Variants in NR6A1 observed in about 807,000 individuals in gnomAD.
NR6A1 encodes retinoic acid receptor-related testis-associated receptor.
NR6A1 carries 7 observed loss-of-function variants against 59.1 expected under a neutral mutation model. The ratio of observed to expected loss-of-function variants is 0.12; its 90% CI spans 0.07 to 0.22. The LOEUF (loss-of-function observed/expected upper bound fraction) is 0.22, where lower values mean the gene tolerates loss of function less well. Ranked by LOEUF, NR6A1 falls within the 10% of genes least tolerant of loss-of-function variation. The pLI, the probability that NR6A1 is intolerant of heterozygous loss-of-function variation, is 1.00. For missense variants in NR6A1, 468 were observed against 611.6 expected, an observed-to-expected ratio of 0.77 and a Z score of 2.48; for synonymous variants, 243 against 236.1, an observed-to-expected ratio of 1.03 and a Z score of -0.27.
At chr9:124,524,462 G>A (rs913976476) in intron 9 of NR6A1, among the ~76,000 whole-genome samples, 2 of 152,132 alleles carry the variant, frequency 1.3e-5, no homozygotes, top group Non-Finnish European at 2.9e-5. Context: ...AACCACCAGC[G>A]GAGACTGGTA....
chr9:124,745,028 G>C (rs1840284994), intron 1 of NR6A1, among the ~76,000 whole-genome samples: 1 of 152,142 alleles, frequency 6.6e-6, no homozygotes, highest in Admixed American at 6.5e-5. Context: ...ATCAATCTTA[G>C]GAATCTATCC....
intron 2 of NR6A1, among the ~76,000 whole-genome samples, chr9:124,625,858 AAG>A (rs1836226497): frequency 6.6e-6 from 1 of 152,186 alleles, no homozygotes; most frequent in Admixed American, 6.5e-5. Context: ...TCCCTCCTAC[AAG>A]AGAGAACTCT....
In NR6A1 at chr9:124,742,690, C is replaced by A. The variant is rs200296458; in HGVS notation, c.101-9341G>T. On this transcript the variant is annotated intron_variant, in intron 1 of 9. Transcript: ENST00000487099. ...AGGAGATGGAGACCATCCTGGCTAA[C>A]ACGGTGAAACCCCGTCTCTAGTAAA... 2.0e-4 allele frequency among the ~76,000 whole-genome samples: 30 copies of A among 152,094 alleles called. No individual in the cohort carries two copies. In the East Asian group the frequency reaches 4.6e-3, roughly 24 times the overall value.
intron 2 of NR6A1, among the ~76,000 whole-genome samples, chr9:124,561,572 A>C (rs748696724): frequency 1.6e-4 from 24 of 152,220 alleles, no homozygotes; most frequent in Admixed American, 7.9e-4. Flanking sequence ...TAAGTGTTAG[A>C]CAAAATTGTT....
chr9:124,705,539 A>G (rs190924892), intron 2 of NR6A1, among the ~76,000 whole-genome samples: 3 of 152,188 alleles, frequency 2.0e-5, no homozygotes, highest in African/African-American at 7.2e-5. Flanking sequence ...CTTTCAACCT[A>G]TTTGTGTCTT....
intron 2 of NR6A1, among the ~76,000 whole-genome samples, chr9:124,655,566 T>C (rs1837235047): frequency 6.6e-6 from 1 of 152,164 alleles, no homozygotes; most frequent in South Asian, 2.1e-4. Context: ...CAAGAGAAAC[T>C]GGCCATCGTC....
At chr9:124,575,826 G>A (rs1240996703) in intron 2 of NR6A1, among the ~76,000 whole-genome samples, 1 of 152,090 alleles carries the variant, frequency 6.6e-6, no homozygotes, top group Admixed American at 6.5e-5. Flanking sequence ...AAACATGTGA[G>A]CTATTATTAT....
Position 124,771,303 on chromosome 9 carries a change from C to A in NR6A1, c.-184G>T, listed in dbSNP as rs1180844047. On this transcript the variant is annotated 5_prime_UTR_variant, in exon 1 of 10. In the 5' UTR this introduces an upstream ATG that the reference lacks. Coordinates refer to ENST00000487099, the MANE Select transcript of NR6A1 (RefSeq NM_033334.4). ...TCCGCGCCCCTCCGCGCCGCGCCCCCTCAGCACTGGCCAGCTCCCTCCCCT... is the reference window on the plus strand; with the variant it reads ...TCCGCGCCCCTCCGCGCCGCGCCCCATCAGCACTGGCCAGCTCCCTCCCCT... 2.6e-6 allele frequency: 1 copy of A among 389,310 alleles called. No homozygotes were observed. The highest frequency in any genetic ancestry group is 4.5e-6 in the Non-Finnish European group (1 of 220,558). 24.1% of individuals were successfully genotyped at this position (389,310 alleles called of 1,614,324 possible).
chr9:124,627,355 T>A (rs1482819395), intron 2 of NR6A1, among the ~76,000 whole-genome samples: 2 of 152,172 alleles, frequency 1.3e-5, no homozygotes, highest in African/African-American at 4.8e-5. Context: ...AGTGATTAAC[T>A]AAGATGTACC....
intron 2 of NR6A1, among the ~76,000 whole-genome samples, chr9:124,556,225 C>CA (rs1199225296): frequency 6.6e-6 from 1 of 152,142 alleles, no homozygotes; most frequent in Non-Finnish European, 1.5e-5. Flanking sequence ...GAAATACAAT[C>CA]ACAAGTGTCT....
chr9:124,525,324 G>C (rs113150724), intron 8 of NR6A1, among the ~76,000 whole-genome samples: 1,144 of 39,168 alleles, frequency 0.029, 11 homozygotes, highest in African/African-American at 0.097. Context: ...CACACACACA[G>C]CACCCTCCTA....
intron 1 of NR6A1, 107 bp from the exon 2 acceptor site, chr9:124,733,456 A>T (rs1166931768): frequency 1.2e-6 from 1 of 851,928 alleles, no homozygotes; most frequent in African/African-American, 1.7e-5. Flanking sequence ...CTCAGAAGTC[A>T]ATTTGGGTTT....
chr9:124,523,246 G>T (rs2131313815), intron 9 of NR6A1, among the ~76,000 whole-genome samples: 1 of 152,244 alleles, frequency 6.6e-6, no homozygotes, highest in South Asian at 2.1e-4. Context: ...GGTTTAATAG[G>T]TTAATAAAAG....
At chr9:124,746,770 C>T (rs980827714) in intron 1 of NR6A1, among the ~76,000 whole-genome samples, 3 of 152,128 alleles carry the variant, frequency 2.0e-5, no homozygotes, top group Non-Finnish European at 4.4e-5. Context: ...CTAAACTTTC[C>T]TATATTCTAA....
rs1012572062 is a variant in NR6A1, at chr9:124,770,046, G to C, written c.100+974C>G. 4 of 152,414 alleles carry C rather than the reference G, an allele frequency of 2.6e-5. No individual in the cohort carries two copies. The East Asian group carries it at 5.8e-4, about 22-fold the overall frequency. 9.4% of individuals were successfully genotyped at this position (152,414 alleles called of 1,614,324 possible). Reference sequence around the variant, plus strand: ...AGGAACCTGAGGACCCGGCCCGGGCGAGGGGGCGAGGGACGAGCGGTAGGA... The same window carrying C: ...AGGAACCTGAGGACCCGGCCCGGGCCAGGGGGCGAGGGACGAGCGGTAGGA... On this transcript the variant is annotated intron_variant, in intron 1 of 9. Transcript: ENST00000487099.
chr9:124,652,448 G>A (rs931420696), intron 2 of NR6A1, among the ~76,000 whole-genome samples: 1 of 152,108 alleles, frequency 6.6e-6, no homozygotes, highest in Non-Finnish European at 1.5e-5. Context: ...GCAAAATGAG[G>A]ATAATACTGT....
chr9:124,722,322 T>A (rs564631270), intron 2 of NR6A1, among the ~76,000 whole-genome samples: 6 of 152,274 alleles, frequency 3.9e-5, no homozygotes, highest in Non-Finnish European at 8.8e-5. Context: ...AATTTCCTTT[T>A]CTTCCTTCAT....
intron 2 of NR6A1, among the ~76,000 whole-genome samples, chr9:124,569,631 T>TG (rs1834381340): frequency 2.0e-5 from 3 of 152,220 alleles, no homozygotes; most frequent in African/African-American, 7.2e-5. Context: ...TTGTACATTC[T>TG]AAGGACTGAC....
rs540369714 is a variant in NR6A1 at position 124,559,143 on chromosome 9, A to G, written c.143-4573T>C. On this transcript the variant is annotated intron_variant, in intron 2 of 9. Transcript: ENST00000487099. ...CTATTTACCACAGTAACTTCGAGAC[A>G]TATTATTCCTATATTACTGAATCTG... Among the ~76,000 whole-genome samples, 91 of 152,310 alleles carry G rather than the reference A, an allele frequency of 6.0e-4. 1 individual carries two copies. The South Asian group carries it at 0.018, about 31-fold the overall frequency.
Sources: allele counts gnomAD v4.1 joint callset (sites outside exome capture counted in the v4.1 genomes callset), GRCh38; gene constraint gnomAD v4.1.1; transcripts MANE v1.5; gene names NCBI Gene and HGNC (gene_info 2026-07-23, HGNC 2026-07-21).